The following PLXNA4 variants were observed in gnomAD, a reference collection of about 807,000 sequenced individuals.
PLXNA4 encodes the protein plexin-A4.
PLXNA4 carries 44 observed loss-of-function variants against 191.8 expected under a neutral mutation model. The observed-to-expected ratio is 0.23, with a 90% CI of 0.18 to 0.29. PLXNA4 has a LOEUF of 0.29. Among genes scored for constraint, PLXNA4 ranks in the 10% least tolerant of loss-of-function variants. PLXNA4 has a pLI of 1.00. For synonymous variants in PLXNA4, 1,082 were observed against 1,009.5 expected (o/e 1.07, Z -1.36); for missense variants, 1,800 against 2,488.8 (o/e 0.72, Z 5.89).
intron 3 of PLXNA4, among the ~76,000 whole-genome samples, chr7:132,427,040 C>T (rs931474700): frequency 1.3e-5 from 2 of 152,110 alleles, no homozygotes; most frequent in African/African-American, 2.4e-5. Context: ...GGGATTCTTC[C>T]CCAGAACTAG....
intron 3 of PLXNA4, chr7:132,367,686 G>A (rs963769077): frequency 3.3e-5 from 5 of 152,252 alleles, no homozygotes; most frequent in African/African-American, 9.7e-5. Flanking sequence ...AGGACACATC[G>A]GCTGATACAG....
chr7:132,525,596 C>CCCAG (rs1799368701), intron 1 of PLXNA4, among the ~76,000 whole-genome samples: 1 of 152,196 alleles, frequency 6.6e-6, no homozygotes, highest in Non-Finnish European at 1.5e-5. Flanking sequence ...TTTTAAGTAA[C>CCCAG]TCTGGTTTAC....
intron 1 of PLXNA4, among the ~76,000 whole-genome samples, chr7:132,539,798 C>A (rs1399065863): frequency 6.6e-6 from 1 of 152,196 alleles, no homozygotes; most frequent in Non-Finnish European, 1.5e-5. Context: ...GAGATGAGTT[C>A]TTCCACGATC....
Position 132,213,440 on chromosome 7 carries a change from A to G in PLXNA4, c.2098-2297T>C, listed in dbSNP as rs369546286. 1.6e-3 allele frequency among the ~76,000 whole-genome samples: 244 copies of G among 152,316 alleles called. 10 individuals are homozygous for G. In the South Asian group the frequency reaches 0.044, roughly 28 times the overall value. On this transcript the variant is annotated intron_variant, in intron 9 of 31. Transcript: ENST00000321063. Reference sequence around the variant, plus strand: ...GCAGCAGGCAGGCGGGCCAGCAGGAAGAGAACAGGGGCCTTGGTCTTGGCC... The same window carrying G: ...GCAGCAGGCAGGCGGGCCAGCAGGAGGAGAACAGGGGCCTTGGTCTTGGCC...
chr7:132,303,689 G>A (rs1801401970), intron 3 of PLXNA4, among the ~76,000 whole-genome samples: 1 of 152,222 alleles, frequency 6.6e-6, no homozygotes, highest in Non-Finnish European at 1.5e-5. Flanking sequence ...TGTGTCCCTT[G>A]ACGGAGCGAC....
intron 4 of PLXNA4, among the ~76,000 whole-genome samples, chr7:132,251,223 C>T (rs1799238499): frequency 6.6e-6 from 1 of 152,144 alleles, no homozygotes; most frequent in Non-Finnish European, 1.5e-5. Flanking sequence ...TACAAGTCAC[C>T]AACCCCCACA....
rs190412996 is a variant in PLXNA4, at chr7:132,237,479, T to A, written c.1604+3587A>T. Among the ~76,000 whole-genome samples, 139 of 152,252 alleles carry A rather than the reference T, an allele frequency of 9.1e-4. 1 individual carries two copies. The highest frequency in any genetic ancestry group is 6.8e-3 in the Admixed American group (104 of 15,294). On this transcript the variant is annotated intron_variant, in intron 5 of 31. Transcript: ENST00000321063. ...CCAGGGGGCTCTCCTTGGTCATAAC[T>A]CTGAGAGGGAGGGAGGATGGATTTA...
intron 3 of PLXNA4, among the ~76,000 whole-genome samples, chr7:132,395,680 T>A (rs953862140): frequency 7.9e-5 from 12 of 152,208 alleles, no homozygotes; most frequent in African/African-American, 2.9e-4. Context: ...GGAGCCTCAA[T>A]TAGCCTCTTG....
chr7:132,385,181 G>GT (rs946019803), intron 3 of PLXNA4: 1 of 1,613,910 alleles, frequency 6.2e-7, no homozygotes, highest in Non-Finnish European at 8.5e-7. Context: ...CAGCTCTGAA[G>GT]TTTTTCTCAG....
intron 3 of PLXNA4, among the ~76,000 whole-genome samples, chr7:132,325,570 C>T (rs1423511547): frequency 6.6e-6 from 1 of 151,802 alleles, no homozygotes. Context: ...GAGGAAAATG[C>T]CATGTGGCCG....
intron 20 of PLXNA4, among the ~76,000 whole-genome samples, chr7:132,176,489 C>T (rs1340273667): frequency 6.6e-6 from 1 of 152,168 alleles, no homozygotes; most frequent in African/African-American, 2.4e-5. Flanking sequence ...GGTGTGGGTG[C>T]ATGGGCACTT....
At chr7:132,385,299 G>A in intron 3 of PLXNA4, 1 of 1,608,972 alleles carries the variant, frequency 6.2e-7, no homozygotes, top group Non-Finnish European at 8.5e-7. Context: ...CAGGCATCTG[G>A]AAAAGATGAA....
At chr7:132,397,313 C>T (rs892378286) in intron 3 of PLXNA4, among the ~76,000 whole-genome samples, 4 of 152,174 alleles carry the variant, frequency 2.6e-5, no homozygotes, top group African/African-American at 7.2e-5. Context: ...CACCGTCACT[C>T]GAGCTAATCT....
intron 1 of PLXNA4, among the ~76,000 whole-genome samples, chr7:132,515,629 G>A (rs370977226): frequency 3.6e-4 from 55 of 152,288 alleles, no homozygotes; most frequent in East Asian, 3.5e-3. Context: ...ATGTTCGAAC[G>A]TGTGTGCACG....
chr7:132,272,941 C>G (rs781175647), intron 4 of PLXNA4, among the ~76,000 whole-genome samples: 19 of 152,260 alleles, frequency 1.2e-4, no homozygotes, highest in South Asian at 4.2e-4. Context: ...ATTATATTGT[C>G]ATTTATGTCT....
intron 2 of PLXNA4, among the ~76,000 whole-genome samples, chr7:132,616,091 A>T (rs78379336): frequency 1.3e-3 from 203 of 152,222 alleles, no homozygotes; most frequent in Admixed American, 8.5e-3. Context: ...GATAACGCCC[A>T]AACTCCCTGG....
At chr7:132,384,984 G>C in intron 3 of PLXNA4, 1 of 1,379,396 alleles carries the variant, frequency 7.2e-7, no homozygotes, top group South Asian at 1.5e-5. Flanking sequence ...GCTTGGGGCA[G>C]AGAAAAGAGA....
intron 10 of PLXNA4, 84 bp from the exon 11 acceptor site, chr7:132,203,503 G>T: frequency 8.3e-7 from 1 of 1,204,310 alleles, no homozygotes; most frequent in South Asian, 1.3e-5. Flanking sequence ...GCCTACGGCC[G>T]TTAAGAGCTC....
At chr7:132,287,230 T>C (rs1800716136) in intron 4 of PLXNA4, among the ~76,000 whole-genome samples, 1 of 152,130 alleles carries the variant, frequency 6.6e-6, no homozygotes, top group African/African-American at 2.4e-5. Flanking sequence ...AAGATGGGGT[T>C]TCACCGTGTT....
Sources: allele counts gnomAD v4.1 joint callset (sites outside exome capture counted in the v4.1 genomes callset), GRCh38; gene constraint gnomAD v4.1.1; transcripts MANE v1.5; gene names NCBI Gene and HGNC (gene_info 2026-07-23, HGNC 2026-07-21).